The following PBX3 variants were observed in gnomAD, a reference collection of about 807,000 sequenced individuals.
PBX3 encodes PBX homeobox 3.
PBX3 carries 14 observed loss-of-function variants against 48.5 expected under a neutral mutation model. That is an observed-to-expected ratio of 0.29 (90% CI 0.19 to 0.45). PBX3 has a LOEUF of 0.45. Among genes scored for constraint, PBX3 ranks in the 20% least tolerant of loss-of-function variants. The pLI, the probability that PBX3 is intolerant of heterozygous loss-of-function variation, is 1.00. For synonymous variants in PBX3, 210 were observed against 200.3 expected, an observed-to-expected ratio of 1.05 and a Z score of -0.41; for missense variants, 386 against 546.7, an observed-to-expected ratio of 0.71 and a Z score of 2.93.
chr9:125,873,184 C>CA (rs979982910), intron 2 of PBX3, among the ~76,000 whole-genome samples: 4 of 150,628 alleles, frequency 2.7e-5, no homozygotes, highest in Admixed American at 6.6e-5. Context: ...GACTCTGTCT[C>CA]AAAAAAACAA....
intron 2 of PBX3, among the ~76,000 whole-genome samples, chr9:125,867,144 G>A (rs1840001044): frequency 6.6e-6 from 1 of 151,616 alleles, no homozygotes; most frequent in South Asian, 2.1e-4. Flanking sequence ...AGTTTAACAA[G>A]CACACAAATG....
chr9:125,856,097 G>A (rs1029818231), intron 2 of PBX3, among the ~76,000 whole-genome samples: 1 of 151,928 alleles, frequency 6.6e-6, no homozygotes, highest in Non-Finnish European at 1.5e-5. Context: ...AATGCTTAGT[G>A]CATTAAACAT....
At chr9:125,887,051 A>G (rs1351204151) in intron 2 of PBX3, among the ~76,000 whole-genome samples, 3 of 152,158 alleles carry the variant, frequency 2.0e-5, no homozygotes, top group Non-Finnish European at 4.4e-5. Flanking sequence ...TCATGGAAGA[A>G]TCTCATTTTA....
chr9:125,896,124 T>C (rs1004234098), intron 2 of PBX3, among the ~76,000 whole-genome samples: 2 of 152,052 alleles, frequency 1.3e-5, no homozygotes, highest in African/African-American at 4.8e-5. Context: ...TGTTCTTATT[T>C]CCTTCTCCAC....
intron 2 of PBX3, among the ~76,000 whole-genome samples, chr9:125,800,692 T>C (rs1837914159): frequency 6.6e-6 from 1 of 152,070 alleles, no homozygotes; most frequent in Non-Finnish European, 1.5e-5. Context: ...GTATAAGTTG[T>C]ATTCTTTCTT....
chr9:125,883,865 G>A (rs2132358531), intron 2 of PBX3, among the ~76,000 whole-genome samples: 1 of 152,282 alleles, frequency 6.6e-6, no homozygotes. Flanking sequence ...TTACCTGAAA[G>A]GACTGTCGAG....
At chr9:125,784,161 CTCTT>C (rs751004868) in intron 2 of PBX3, among the ~76,000 whole-genome samples, 40 of 152,162 alleles carry the variant, frequency 2.6e-4, no homozygotes, top group Non-Finnish European at 4.4e-4. Context: ...GACGAAGTCT[CTCTT>C]TCTCCCAGGC....
intron 2 of PBX3, among the ~76,000 whole-genome samples, chr9:125,822,552 A>G (rs1163266345): frequency 6.6e-6 from 1 of 152,176 alleles, no homozygotes; most frequent in Non-Finnish European, 1.5e-5. Flanking sequence ...TAAAATGTGT[A>G]TATTTCTTTA....
chr9:125,756,472 G>A lies in PBX3; in HGVS notation c.274+7849G>A, dbSNP rs149138018. On this transcript the variant is annotated intron_variant, in intron 2 of 8. Coordinates refer to ENST00000373489, the MANE Select transcript of PBX3 (RefSeq NM_006195.6). ...AACTTCTATCTATAAACCATGCATAGAGGATGGAATTGCAAAATCCTGGCC... is the reference window on the plus strand; with the variant it reads ...AACTTCTATCTATAAACCATGCATAAAGGATGGAATTGCAAAATCCTGGCC... 2.3e-3 allele frequency among the ~76,000 whole-genome samples: 351 copies of A among 152,282 alleles called. 2 individuals are homozygous for A. Among genetic ancestry groups the A allele is most frequent in the African/African-American group, 8.0e-3 (332 of 41,578 alleles).
At chr9:125,949,489 G>T in intron 5 of PBX3, 1 of 1,550,042 alleles carries the variant, frequency 6.5e-7, no homozygotes. Context: ...AGGGGCATGA[G>T]GGTGTGTCTG....
chr9:125,782,453 ACTC>A (rs1251707131), intron 2 of PBX3, among the ~76,000 whole-genome samples: 1 of 151,994 alleles, frequency 6.6e-6, no homozygotes, highest in African/African-American at 2.4e-5. Flanking sequence ...TAAAAACTCT[ACTC>A]CTTTACAACT....
intron 2 of PBX3, among the ~76,000 whole-genome samples, chr9:125,838,797 T>G (rs191149488): frequency 1.6e-3 from 243 of 152,332 alleles, no homozygotes; most frequent in African/African-American, 5.7e-3. Context: ...TGGTACTAAC[T>G]AGGTCTAGGT....
At chr9:125,799,581 T>C (rs908894411) in intron 2 of PBX3, among the ~76,000 whole-genome samples, 3 of 152,232 alleles carry the variant, frequency 2.0e-5, no homozygotes, top group African/African-American at 7.2e-5. Context: ...TTTTTTCTTC[T>C]CTAAAATATT....
intron 2 of PBX3, among the ~76,000 whole-genome samples, chr9:125,898,344 T>C (rs1840823139): frequency 6.6e-6 from 1 of 151,596 alleles, no homozygotes; most frequent in Non-Finnish European, 1.5e-5. Context: ...ATGCACCCTA[T>C]GTTTTAGGGA....
At chr9:125,918,477 T>C (rs1049026377) in intron 3 of PBX3, among the ~76,000 whole-genome samples, 11 of 152,312 alleles carry the variant, frequency 7.2e-5, no homozygotes, top group East Asian at 1.9e-4. Context: ...AAATTGAAGA[T>C]CAAATTGGGA....
chr9:125,929,589 A>T, intron 3 of PBX3, 66 bp from the exon 4 acceptor site: 1 of 1,136,810 alleles, frequency 8.8e-7, no homozygotes, highest in Non-Finnish European at 1.3e-6. Flanking sequence ...GTAAATTCAG[A>T]TGAGTGAATG....
intron 2 of PBX3, among the ~76,000 whole-genome samples, chr9:125,764,071 C>T (rs1293514922): frequency 6.6e-6 from 1 of 152,164 alleles, no homozygotes; most frequent in East Asian, 1.9e-4. Context: ...ATTAATGCTG[C>T]TTACTATTTT....
At chr9:125,902,110 T>C (rs1317140645) in intron 2 of PBX3, among the ~76,000 whole-genome samples, 1 of 151,480 alleles carries the variant, frequency 6.6e-6, no homozygotes, top group Non-Finnish European at 1.5e-5. Flanking sequence ...GATGGTTTCT[T>C]ATATGGAGAG....
In PBX3 at chr9:125,941,977, TA is replaced by T. The variant is rs552817610; in HGVS notation, c.843+6373del. Among the ~76,000 whole-genome samples, 119 of 152,320 alleles carry T rather than the reference TA, an allele frequency of 7.8e-4. 2 individuals are homozygous for T. The South Asian group carries it at 0.024, about 31-fold the overall frequency. On this transcript the variant is annotated intron_variant, in intron 5 of 8. Transcript: ENST00000373489. Reference sequence around the variant, plus strand: ...TTTCTACTGTAGTTGAAATGTACTGTAAAGAAAGGATTGATTTAAAAACAAA... The same window carrying T: ...TTTCTACTGTAGTTGAAATGTACTGTAAGAAAGGATTGATTTAAAAACAAA...
Sources: gnomAD v4.1 joint callset for allele counts (sites outside exome capture counted in the v4.1 genomes callset) on GRCh38, gnomAD v4.1.1 for gene constraint, MANE v1.5 for transcripts, NCBI Gene and HGNC (gene_info 2026-07-23, HGNC 2026-07-21) for gene names.